Variants in HUWE1 observed in about 807,000 individuals in gnomAD.
HUWE1 encodes the protein HECT, UBA and WWE domain containing E3 ubiquitin protein ligase 1.
In HUWE1, 18 loss-of-function variants were observed where a neutral mutation model predicts 299.4. The observed-to-expected ratio is 0.06, with a 90% CI of 0.04 to 0.09. HUWE1 has a LOEUF of 0.09. Among genes scored for constraint, HUWE1 ranks in the 10% least tolerant of loss-of-function variants. The probability of loss-of-function intolerance (pLI) is 1.00; values close to 1 mark genes in which losing one functional copy is unlikely to be tolerated. For missense variants in HUWE1, 1,832 were observed against 3,462.3 expected, an observed-to-expected ratio of 0.53 and a Z score of 11.82; for synonymous variants, 1,317 against 1,286.1, an observed-to-expected ratio of 1.02 and a Z score of -0.51.
rs2066366402 is a variant in HUWE1, at chrX:53,624,617, A to G, written c.1650T>C (p.Tyr550=). ...TACCTAGGAGGAAGAGTGATGGGCC[A>G]TAGTATTCTGCATTGCTGATGATGT... The part of the protein sequence containing the change: ...LKHIISNAEY[Y]GPSLFLLATE... Residue 550 remains tyrosine (Y), a synonymous_variant, in exon 19 of 84, where the codon TAT becomes TAC. Transcript: ENST00000262854. The G allele has an allele frequency of 1.7e-6, 2 of 1,205,148 alleles. No individual in the cohort carries two copies. Among genetic ancestry groups the G allele is most frequent in the African/African-American group, 1.7e-5 (1 of 57,789 alleles).
intron 3 of HUWE1, among the ~76,000 whole-genome samples, chrX:53,670,774 A>G (rs1235778025): frequency 1.8e-5 from 2 of 111,736 alleles, no homozygotes; most frequent in African/African-American, 6.5e-5. Context: ...AAAGTAGAAG[A>G]GTCAAACTAG....
Position 53,678,412 on chromosome X carries a change from C to A in HUWE1, c.-25+1637G>T, listed in dbSNP as rs139510153. ...CATATATAAACATCTAGTAACCAGT[C>A]GTTGAGGAAACAACGAATAATACAG... On this transcript the variant is annotated intron_variant, in intron 3 of 83. Transcript: ENST00000262854. Among the ~76,000 whole-genome samples the A allele has an allele frequency of 3.8e-4, 43 of 111,689 alleles. 1 individual carries two copies. Among genetic ancestry groups the A allele is most frequent in the Middle Eastern group, 4.6e-3 (1 of 217 alleles).
chrX:53,542,257 C>T (rs1392657528), intron 74 of HUWE1, among the ~76,000 whole-genome samples, 186 bp downstream of exon 74: 1 of 111,995 alleles, frequency 8.9e-6, no homozygotes, highest in Non-Finnish European at 1.9e-5. Flanking sequence ...ATTTTCTTTC[C>T]TTTACTACAG....
intron 29 of HUWE1, among the ~76,000 whole-genome samples, chrX:53,596,916 GAAA>G (rs1461430534): frequency 1.6e-4 from 18 of 112,315 alleles, no homozygotes; most frequent in African/African-American, 5.8e-4. Context: ...CAAACAAAAG[GAAA>G]TTAGTGAAGC....
Position 53,577,146 on chromosome X carries a change from G to T in HUWE1, c.5717-79C>A. On this transcript the variant is annotated intron_variant, in intron 43 of 83. Coordinates refer to ENST00000262854, the MANE Select transcript of HUWE1 (RefSeq NM_031407.7). ...AGGTTACTAATAAAGACTCAGAAGG[G>T]GGCATGTATGATATAGAAGGCTTGA... 5 of 734,661 alleles carry T rather than the reference G, an allele frequency of 6.8e-6. No individual in the cohort carries two copies. The South Asian group carries it at 1.1e-4, about 16-fold the overall frequency. 60.5% of individuals were successfully genotyped at this position (734,661 alleles called of 1,213,427 possible).
chrX:53,536,998 T>C (rs984389311), intron 78 of HUWE1, among the ~76,000 whole-genome samples: 4 of 111,532 alleles, frequency 3.6e-5, no homozygotes, highest in South Asian at 7.6e-4. Context: ...AAGCCCAGAG[T>C]CCAAATTCTC....
chrX:53,572,142 C>T (rs2062860696), intron 47 of HUWE1, among the ~76,000 whole-genome samples: 1 of 111,843 alleles, frequency 8.9e-6, no homozygotes, highest in Non-Finnish European at 1.9e-5. Context: ...TAAACTTCAC[C>T]TGCACACAAA....
intron 45 of HUWE1, among the ~76,000 whole-genome samples, 160 bp from the exon 46 acceptor site, chrX:53,575,381 A>G (rs2063050777): frequency 9.0e-6 from 1 of 111,515 alleles, no homozygotes; most frequent in Non-Finnish European, 1.9e-5. Flanking sequence ...GTGGGAGGCT[A>G]TTATAAATAC....
rs373592055 is a variant in HUWE1 at position 53,590,397 on chromosome X, T to C, written c.4191+7A>G. 40 of 1,143,885 alleles carry C rather than the reference T, an allele frequency of 3.5e-5. No individual in the cohort carries two copies. Among genetic ancestry groups the C allele is most frequent in the African/African-American group, 1.8e-4 (10 of 56,053 alleles). The allele number at this position is 1,143,885 out of a possible 1,213,427, so 94.3% of individuals were successfully genotyped here. On this transcript the variant is annotated splice_region_variant and intron_variant, in intron 35 of 83. Transcript: ENST00000262854. ...AAGCCCTTTAGGATGCAGTGTTCCATAGTTACCTCAGGTGACTCTGCCCTT... is the reference window on the plus strand; with the variant it reads ...AAGCCCTTTAGGATGCAGTGTTCCACAGTTACCTCAGGTGACTCTGCCCTT...
intron 7 of HUWE1, among the ~76,000 whole-genome samples, chrX:53,642,711 C>A (rs1469785743): frequency 8.9e-6 from 1 of 112,170 alleles, no homozygotes; most frequent in African/African-American, 3.2e-5. Flanking sequence ...AAAGCTGTAC[C>A]TTGTTTTATT....
chrX:53,555,298 A>G (rs2061950427), intron 60 of HUWE1, among the ~76,000 whole-genome samples: 1 of 111,998 alleles, frequency 8.9e-6, no homozygotes, highest in Non-Finnish European at 1.9e-5. Flanking sequence ...ATCTATTTGG[A>G]GCAAGAAATG....
rs200558034 is a variant in HUWE1 at position 53,648,540 on chromosome X, C to CA, written c.46-231dup. Among the ~76,000 whole-genome samples, 155 of 85,674 alleles carry CA rather than the reference C, an allele frequency of 1.8e-3. 1 individual carries two copies. The highest frequency in any genetic ancestry group is 8.1e-3 in the African/African-American group (118 of 14,517). The allele number at this position is 85,674 out of a possible 115,157, so 74.4% of individuals were successfully genotyped here. On this transcript the variant is annotated intron_variant, in intron 4 of 83. Transcript: ENST00000262854. ...CCTGGGCTTAAAAAACAAAAAAAAA[C>CA]AAAAAAAAACAAAAAACAAAACAAA...
Position 53,565,246 on chromosome X carries a change from T to C in HUWE1, c.6708-7A>G, listed in dbSNP as rs377649605. On this transcript the variant is annotated splice_polypyrimidine_tract_variant and splice_region_variant and intron_variant, in intron 49 of 83. Transcript: ENST00000262854. ...TGTGTTGGCCATGTTGGGACTGAGA[T>C]AAGGGAAGATAAAGAGATGGACTGA... The C allele has an allele frequency of 2.5e-6, 3 of 1,193,501 alleles. No individual in the cohort carries two copies. The African/African-American group carries it at 5.3e-5, about 21-fold the overall frequency.
chrX:53,561,704 G>A (rs1046885208), intron 55 of HUWE1, 52 bp downstream of exon 55: 153 of 1,204,634 alleles, frequency 1.3e-4, no homozygotes, highest in Non-Finnish European at 1.6e-4. Context: ...TTACCCTAGA[G>A]AAGGGTATAA....
intron 66 of HUWE1, among the ~76,000 whole-genome samples, chrX:53,550,296 T>A (rs782664124): frequency 1.8e-5 from 2 of 111,856 alleles, no homozygotes; most frequent in Non-Finnish European, 3.8e-5. Context: ...TCAGGCCCAC[T>A]CTGTTTTAGC....
At chrX:53,587,442 A>T (rs2063914018) in intron 37 of HUWE1, among the ~76,000 whole-genome samples, 1 of 112,655 alleles carries the variant, frequency 8.9e-6, no homozygotes. Flanking sequence ...AGATGGACTA[A>T]TGTATATAGC....
chrX:53,625,777 T>G (rs1228139669), intron 17 of HUWE1: 1 of 122,763 alleles, frequency 8.1e-6, no homozygotes, highest in Non-Finnish European at 1.8e-5. Flanking sequence ...CATCTATGTG[T>G]GTACGCACCA....
intron 49 of HUWE1, among the ~76,000 whole-genome samples, chrX:53,566,133 G>GTGTGTGTATATATA (rs782815282): frequency 1.8e-4 from 7 of 38,987 alleles, no homozygotes; most frequent in Non-Finnish European, 2.4e-4. Flanking sequence ...GTGTGTGTGT[G>GTGTGTGTATATATA]TATATATATA....
chrX:53,679,777 A>G (rs2070034847), intron 3 of HUWE1, among the ~76,000 whole-genome samples: 2 of 112,443 alleles, frequency 1.8e-5, no homozygotes, highest in Admixed American at 1.9e-4. Flanking sequence ...TTTAATAAGA[A>G]CTGGTTAGAC....
Sources: gnomAD v4.1 joint callset for allele counts (sites outside exome capture counted in the v4.1 genomes callset) on GRCh38, gnomAD v4.1.1 for gene constraint, MANE v1.5 for transcripts, NCBI Gene and HGNC (gene_info 2026-07-23, HGNC 2026-07-21) for gene names.